ANTXR2: variants seen among roughly 807,000 people sequenced by gnomAD.
ANTXR2 encodes anthrax toxin receptor 2.
Under a neutral mutation model 73.7 loss-of-function variants are expected in ANTXR2, and 44 were observed. The ratio of observed to expected loss-of-function variants is 0.60; its 90% confidence interval spans 0.47 to 0.77. ANTXR2 has a LOEUF of 0.77. Ranked by LOEUF, ANTXR2 falls within the 30% of genes least tolerant of loss-of-function variation. The pLI is 0.00. For synonymous variants in ANTXR2, 217 were observed against 205.9 expected (o/e 1.05, Z -0.46); for missense variants, 604 against 592.5 (o/e 1.02, Z -0.20).
intron 7 of ANTXR2, among the ~76,000 whole-genome samples, chr4:80,040,781 CAT>C (rs917169288): frequency 4.9e-5 from 7 of 142,474 alleles, no homozygotes; most frequent in African/African-American, 7.7e-5. Flanking sequence ...CACACACACA[CAT>C]ATTGGCAAAG....
intron 12 of ANTXR2, among the ~76,000 whole-genome samples, chr4:80,003,552 A>G (rs1388941975): frequency 6.6e-6 from 1 of 152,044 alleles, no homozygotes; most frequent in Admixed American, 6.6e-5. Context: ...CCTAAAACTT[A>G]AAGTATAATA....
At chr4:79,926,866 C>CAT (rs1330489945) in intron 16 of ANTXR2, among the ~76,000 whole-genome samples, 1 of 123,766 alleles carries the variant, frequency 8.1e-6, no homozygotes, top group Non-Finnish European at 1.8e-5. Context: ...GAAATTGTGG[C>CAT]ATATATATGT....
intron 16 of ANTXR2, among the ~76,000 whole-genome samples, chr4:79,917,632 A>C (rs1727406595): frequency 1.3e-5 from 2 of 152,200 alleles, no homozygotes. Context: ...TACTGAAGGC[A>C]AATCCTTAAT....
At position 80,067,696 on chromosome 4, in the gene ANTXR2, C is replaced by G. The variant is rs74525262; in HGVS notation, c.296+1740G>C. On this transcript the variant is annotated intron_variant, in intron 3 of 16. Coordinates refer to ENST00000403729, the MANE Select transcript of ANTXR2 (RefSeq NM_058172.6). The stretch of plus-strand genomic sequence containing the variant: ...GCTCTGGCTCCTGATGAGATTCATT[C>G]TCATCCACACAAGAAAGTAAGGAGG... Among the ~76,000 whole-genome samples, 3 of 147,792 alleles carry G rather than the reference C, an allele frequency of 2.0e-5. No homozygotes were observed. The East Asian group carries it at 6.0e-4, about 29-fold the overall frequency.
intron 9 of ANTXR2, 121 bp from the exon 10 acceptor site, chr4:80,031,813 T>TA: frequency 2.1e-6 from 1 of 465,692 alleles, no homozygotes; most frequent in Admixed American, 4.6e-5. Context: ...TATATTAACA[T>TA]AAAAAAACTA....
intron 16 of ANTXR2, among the ~76,000 whole-genome samples, chr4:79,936,256 A>G (rs568080352): frequency 2.0e-5 from 3 of 152,284 alleles, no homozygotes; most frequent in African/African-American, 7.2e-5. Context: ...TATTTGCAGA[A>G]TATTTAATTG....
intron 16 of ANTXR2, among the ~76,000 whole-genome samples, chr4:79,933,714 A>C (rs933820538): frequency 1.3e-3 from 61 of 45,706 alleles, no homozygotes; most frequent in East Asian, 3.0e-3. Context: ...CCCCCACCCC[A>C]CAACAGGCCC....
chr4:79,978,446 T>C (rs1560930615), intron 14 of ANTXR2, among the ~76,000 whole-genome samples: 2 of 152,012 alleles, frequency 1.3e-5, no homozygotes, highest in African/African-American at 4.8e-5. Flanking sequence ...TAGTTTTAAA[T>C]AAAGAGTCCA....
chr4:79,946,833 A>G (rs1728534699), intron 16 of ANTXR2, among the ~76,000 whole-genome samples: 1 of 152,192 alleles, frequency 6.6e-6, no homozygotes. Flanking sequence ...GCTGTTACCT[A>G]AAGTTATAGA....
At chr4:79,929,456 G>A (rs1444284517) in intron 16 of ANTXR2, among the ~76,000 whole-genome samples, 1 of 152,172 alleles carries the variant, frequency 6.6e-6, no homozygotes, top group Non-Finnish European at 1.5e-5. Context: ...AAGTTGCAGT[G>A]AGCCAAAATT....
chr4:80,054,203 G>A (rs1380243968), intron 7 of ANTXR2, 69 bp downstream of exon 7: 42 of 1,265,644 alleles, frequency 3.3e-5, no homozygotes, highest in Non-Finnish European at 3.9e-5. Flanking sequence ...TGGATATTAA[G>A]ATTACTTCTT....
In ANTXR2 at chr4:80,062,589, A is replaced by G. The variant is rs1734313217; in HGVS notation, c.297-6576T>C. Among the ~76,000 whole-genome samples, 3 of 152,346 alleles carry G rather than the reference A, an allele frequency of 2.0e-5. No homozygotes were observed. The South Asian group carries it at 6.2e-4, about 32-fold the overall frequency. On this transcript the variant is annotated intron_variant, in intron 3 of 16. Coordinates refer to ENST00000403729, the MANE Select transcript of ANTXR2 (RefSeq NM_058172.6). ...GTGTGGCCAAAACAGACTTTTCAAAACAGGAGTAAATACTTGCCTAATGGA... is the reference window on the plus strand; with the variant it reads ...GTGTGGCCAAAACAGACTTTTCAAAGCAGGAGTAAATACTTGCCTAATGGA...
At position 80,072,249 on chromosome 4, in the gene ANTXR2, A is replaced by G. The variant is rs1016131616; in HGVS notation, c.152+160T>C. Among the ~76,000 whole-genome samples the G allele has an allele frequency of 1.1e-4, 16 of 152,134 alleles. No homozygotes were observed. In the East Asian group the frequency reaches 1.7e-3, roughly 17 times the overall value. On this transcript the variant is annotated intron_variant, in intron 1 of 16. Transcript: ENST00000403729. ...ACCCGGCTGATCTCCGCCCACACAG[A>G]TCCGAACGCGCTTGCCCTTTGAAAG...
At chr4:80,002,438 A>C (rs1167729177) in intron 12 of ANTXR2, among the ~76,000 whole-genome samples, 1 of 152,170 alleles carries the variant, frequency 6.6e-6, no homozygotes, top group Non-Finnish European at 1.5e-5. Flanking sequence ...TAAACGTTAG[A>C]CCTAAAACCA....
At chr4:79,943,805 A>G (rs1728411154) in intron 16 of ANTXR2, among the ~76,000 whole-genome samples, 1 of 152,106 alleles carries the variant, frequency 6.6e-6, no homozygotes, top group Non-Finnish European at 1.5e-5. Context: ...CAAAAACAAG[A>G]AATATTTTGA....
intron 16 of ANTXR2, among the ~76,000 whole-genome samples, chr4:79,959,239 C>T (rs1300837057): frequency 2.6e-5 from 4 of 151,910 alleles, no homozygotes; most frequent in African/African-American, 9.7e-5. Context: ...TTATAAATAA[C>T]ATTTTTTTGT....
intron 16 of ANTXR2, among the ~76,000 whole-genome samples, chr4:79,927,399 C>T (rs904493934): frequency 6.6e-6 from 1 of 151,860 alleles, no homozygotes; most frequent in African/African-American, 2.4e-5. Context: ...TACAGTTGTT[C>T]CCCAGTATCC....
At chr4:79,985,672 C>T (rs1441925302) in intron 12 of ANTXR2, among the ~76,000 whole-genome samples, 6 of 152,084 alleles carry the variant, frequency 3.9e-5, no homozygotes, top group African/African-American at 1.4e-4. Flanking sequence ...ATGACTCCGG[C>T]CAAACTGGCA....
At position 80,018,921 on chromosome 4, in the gene ANTXR2, A is replaced by C. The variant is rs1209109127; in HGVS notation, c.922T>G (p.Leu308Val). 1 of 1,522,182 alleles carries C rather than the reference A, an allele frequency of 6.6e-7. No homozygotes were observed. Among genetic ancestry groups the C allele is most frequent in the East Asian group, 2.5e-5 (1 of 39,664 alleles). 94.3% of individuals were successfully genotyped at this position (1,522,182 alleles called of 1,614,324 possible). Residue 308 changes from leucine (L) to valine (V), a missense_variant, in exon 11 of 17, where the codon TTA (leucine) becomes GTA (valine). By Grantham distance (32) the Leu-to-Val change is conservative. Transcript: ENST00000403729. Reference protein sequence around the residue: ...NGGKSVISGSLIVTATECSNG... With the variant: ...NGGKSVISGSVIVTATECSNG... ...ACACATTCTGTGGCTGTGACAATTAATGATCCTGAAATGACAGATTTTCCT... is the reference window on the plus strand; with the variant it reads ...ACACATTCTGTGGCTGTGACAATTACTGATCCTGAAATGACAGATTTTCCT...
Sources: allele counts gnomAD v4.1 joint callset (sites outside exome capture counted in the v4.1 genomes callset), GRCh38; gene constraint gnomAD v4.1.1; transcripts MANE v1.5; gene names NCBI Gene and HGNC (gene_info 2026-07-23, HGNC 2026-07-21).